Variants in MSANTD2 observed in about 807,000 individuals in gnomAD.
The protein encoded by MSANTD2 is Myb/SANT DNA binding domain containing 2.
MSANTD2 carries 19 observed loss-of-function variants against 52.6 expected under a neutral mutation model. The ratio of observed to expected loss-of-function variants is 0.36; its 90% CI spans 0.25 to 0.53. The LOEUF (loss-of-function observed/expected upper bound fraction) is 0.53. Among genes scored for constraint, MSANTD2 ranks in the 20% least tolerant of loss-of-function variants. The pLI, the probability that MSANTD2 is intolerant of heterozygous loss-of-function variation, is 0.91. For synonymous variants in MSANTD2, 291 were observed against 289.7 expected (o/e 1.00, Z -0.04); for missense variants, 558 against 716.3 (o/e 0.78, Z 2.52).
At chr11:124,789,423 A>T (rs1591470840) in intron 1 of MSANTD2, 1 of 152,236 alleles carries the variant, frequency 6.6e-6, no homozygotes. Flanking sequence ...CTAAGTAAAC[A>T]ACTTCTACTA....
chr11:124,799,395 T>C (rs761854855), intron 1 of MSANTD2, among the ~76,000 whole-genome samples: 3 of 152,208 alleles, frequency 2.0e-5, no homozygotes, highest in Non-Finnish European at 4.4e-5. Flanking sequence ...AAGGCGCTTT[T>C]TCTATGGCTC....
At chr11:124,770,302 T>TG (rs1344799873) in intron 3 of MSANTD2, among the ~76,000 whole-genome samples, 3 of 139,254 alleles carry the variant, frequency 2.2e-5, no homozygotes, top group South Asian at 2.1e-4. Flanking sequence ...AACTCTTTTT[T>TG]TTTGTTTGTT....
intron 3 of MSANTD2, among the ~76,000 whole-genome samples, chr11:124,770,590 C>T (rs993784853): frequency 1.3e-5 from 2 of 151,958 alleles, no homozygotes; most frequent in African/African-American, 4.8e-5. Context: ...TGAGCCACCG[C>T]GCTTTGCCTT....
Position 124,767,668 on chromosome 11 carries a change from G to A in MSANTD2, c.1188C>T (p.Pro396=), listed in dbSNP as rs1944351128. Residue 396 remains proline, a synonymous_variant, in exon 4 of 4, where the codon CCC becomes CCT. Coordinates refer to ENST00000374979, the MANE Select transcript of MSANTD2 (RefSeq NM_001308027.2). This position sits in a 1 kb window ranked among gnomAD's most constrained non-coding sequence, Gnocchi z 6.5. ...LELHMEIDWI[P]IAHSKPTGGN... ...CACCAGTTGGTTTGGAGTGGGCAAT[G>A]GGTATCCAGTCAATTTCCATGTGCA... is the stretch of plus-strand genomic sequence containing the variant. The A allele has an allele frequency of 4.3e-6, 7 of 1,614,226 alleles. No individual in the cohort carries two copies. The highest frequency in any genetic ancestry group is 5.9e-6 in the Non-Finnish European group (7 of 1,180,044).
chr11:124,773,687 A>G (rs759113142), intron 2 of MSANTD2, among the ~76,000 whole-genome samples: 2 of 152,244 alleles, frequency 1.3e-5, no homozygotes, highest in Admixed American at 6.5e-5. Context: ...TTAAAACAAC[A>G]TTGCTAAGAA....
chr11:124,778,163 G>A (rs1047416822), intron 1 of MSANTD2, among the ~76,000 whole-genome samples: 3 of 152,160 alleles, frequency 2.0e-5, no homozygotes, highest in Non-Finnish European at 4.4e-5. Flanking sequence ...ATAATGCTCA[G>A]AAAAACGAAG....
At chr11:124,776,065 G>A (rs1181201734) in intron 1 of MSANTD2, 1 of 152,116 alleles carries the variant, frequency 6.6e-6, no homozygotes, top group Non-Finnish European at 1.5e-5. Context: ...CTACTTTACT[G>A]AGTTTCACTA....
rs1944334417 is a variant in MSANTD2 at position 124,767,295 on chromosome 11, C to T, written c.1561G>A (p.Val521Ile). 5 of 1,614,214 alleles carry T rather than the reference C, an allele frequency of 3.1e-6. No individual in the cohort carries two copies. The highest frequency in any genetic ancestry group is 4.5e-5 in the East Asian group (2 of 44,892). ...LSQNCIVDPG[V>I]SPKSIYIKFV... The stretch of plus-strand genomic sequence containing the variant: ...TTGATGTAGATGGATTTGGGGGAAA[C>T]TCCGGGATCCACAATACAGTTCTGA... Residue 521 changes from valine to isoleucine, a missense_variant, in exon 4 of 4, where the codon GTT becomes ATT. Val to Ile is a conservative substitution (Grantham distance 29, BLOSUM62 3). Transcript: ENST00000374979. The surrounding 1 kb of genome is among the most constrained non-coding windows in gnomAD (Gnocchi z 6.5).
intron 1 of MSANTD2, chr11:124,783,930 G>A: frequency 1.0e-6 from 1 of 985,382 alleles, no homozygotes; most frequent in Non-Finnish European, 1.2e-6. Context: ...AGTAATACTT[G>A]TAAAGGTCAC....
At chr11:124,791,142 G>A (rs77406987) in intron 1 of MSANTD2, 21,644 of 769,504 alleles carry the variant, frequency 0.028, 419 homozygotes, top group East Asian at 0.065. Context: ...AGTGAAAGGG[G>A]GCTAGGGACA....
chr11:124,787,160 C>T (rs932254012), intron 1 of MSANTD2, among the ~76,000 whole-genome samples: 5 of 152,140 alleles, frequency 3.3e-5, no homozygotes, highest in Admixed American at 3.3e-4. Flanking sequence ...TACAGTCACA[C>T]CATATGGAGA....
At chr11:124,772,415 G>A (rs954955871) in intron 3 of MSANTD2, among the ~76,000 whole-genome samples, 1 of 152,156 alleles carries the variant, frequency 6.6e-6, no homozygotes, top group African/African-American at 2.4e-5. Context: ...GATAATCACT[G>A]GAAGGGTTAA....
chr11:124,793,520 CA>C (rs796123568), intron 1 of MSANTD2, among the ~76,000 whole-genome samples: 32 of 152,266 alleles, frequency 2.1e-4, no homozygotes, highest in African/African-American at 7.0e-4. Context: ...TTCTGGCCAA[CA>C]AAACAGTCAC....
In MSANTD2 at chr11:124,767,962, A is replaced by G. The variant is rs764977197; in HGVS notation, c.894T>C (p.Phe298=). 22 of 1,613,968 alleles carry G rather than the reference A, an allele frequency of 1.4e-5. No homozygotes were observed. Among genetic ancestry groups the G allele is most frequent in the Non-Finnish European group, 1.8e-5 (21 of 1,179,952 alleles). The change falls in exon 4 of 4, where the codon TTT becomes TTC. Residue 298 remains phenylalanine (F), a synonymous_variant. Coordinates refer to ENST00000374979, the MANE Select transcript of MSANTD2 (RefSeq NM_001308027.2). This position sits in a 1 kb window ranked among gnomAD's most constrained non-coding sequence, Gnocchi z 6.5. ...GCCTTGAAAAGTCTGTCCAGCTCTG[A>G]AAAAGTTCCCATTTCAACTGTACCG... ...LESVQLKWEL[F]QSWTDFSRLH...
intron 1 of MSANTD2, among the ~76,000 whole-genome samples, chr11:124,786,167 GGCAA>G (rs1945156223): frequency 6.7e-6 from 1 of 149,886 alleles, no homozygotes; most frequent in Non-Finnish European, 1.5e-5. Flanking sequence ...TATTCATAGG[GGCAA>G]GCATTATGCA....
intron 1 of MSANTD2, among the ~76,000 whole-genome samples, chr11:124,782,665 C>T (rs1288338705): frequency 6.6e-6 from 1 of 152,088 alleles, no homozygotes; most frequent in African/African-American, 2.4e-5. Flanking sequence ...TTGTAAGCTC[C>T]ATGAGGTAAG....
chr11:124,767,654 T>C lies in MSANTD2; in HGVS notation c.1202A>G (p.Lys401Arg), dbSNP rs1944350533. The C allele has an allele frequency of 8.7e-6, 14 of 1,614,226 alleles. No individual in the cohort carries two copies. Among genetic ancestry groups the C allele is most frequent in the Non-Finnish European group, 1.2e-5 (14 of 1,180,038 alleles). ...TTGAACAACATTCCCACCAGTTGGT[T>C]TGGAGTGGGCAATGGGTATCCAGTC... is the stretch of plus-strand genomic sequence containing the variant. ...EIDWIPIAHS[K>R]PTGGNVVQYL... The change falls in exon 4 of 4, where the codon AAA becomes AGA. Residue 401 changes from lysine (K) to arginine (R), a missense_variant. Coordinates refer to ENST00000374979, the MANE Select transcript of MSANTD2 (RefSeq NM_001308027.2). This position sits in a 1 kb window ranked among gnomAD's most constrained non-coding sequence, Gnocchi z 6.5.
chr11:124,791,843 A>C (rs1945341882), intron 1 of MSANTD2: 1 of 461,644 alleles, frequency 2.2e-6, no homozygotes, highest in Admixed American at 3.4e-5. Flanking sequence ...CACTGTGTAT[A>C]CTGTTATGAA....
At position 124,779,831 on chromosome 11, in the gene MSANTD2, G is replaced by A. The variant is rs1445963640; in HGVS notation, c.511-4857C>T. ...AAAGAGCACACTTATTCACAAACAA[G>A]GCCTTAAAAATCACATATTGTGCTC... On this transcript the variant is annotated intron_variant, in intron 1 of 3. Coordinates refer to ENST00000374979, the MANE Select transcript of MSANTD2 (RefSeq NM_001308027.2). The surrounding 1 kb of genome is among the most constrained non-coding windows in gnomAD (Gnocchi z 4.6). 6.6e-6 allele frequency among the ~76,000 whole-genome samples: 1 copy of A among 152,034 alleles called. No individual in the cohort carries two copies. Among genetic ancestry groups the A allele is most frequent in the Admixed American group, 6.6e-5 (1 of 15,266 alleles).
Sources: allele counts gnomAD v4.1 joint callset (sites outside exome capture counted in the v4.1 genomes callset), GRCh38; gene constraint gnomAD v4.1.1; non-coding constraint Gnocchi (gnomAD v3.1); transcripts MANE v1.5; gene names NCBI Gene and HGNC (gene_info 2026-07-23, HGNC 2026-07-21).